The following FRMD4A variants were observed in gnomAD, a reference collection of about 807,000 sequenced individuals.
FRMD4A encodes FERM domain-containing protein 4A.
Under a neutral mutation model 129.1 loss-of-function variants are expected in FRMD4A, and 29 were observed. That is an observed-to-expected ratio of 0.22 (90% CI 0.17 to 0.31). The LOEUF is 0.31. Among genes scored for constraint, FRMD4A ranks in the 10% least tolerant of loss-of-function variants. The pLI is 1.00. For missense variants in FRMD4A, 1,272 were observed against 1,375.8 expected, an observed-to-expected ratio of 0.92 and a Z score of 1.19; for synonymous variants, 634 against 571.6, an observed-to-expected ratio of 1.11 and a Z score of -1.56.
At chr10:13,831,884 C>T (rs1375487962) in intron 3 of FRMD4A, among the ~76,000 whole-genome samples, 1 of 152,140 alleles carries the variant, frequency 6.6e-6, no homozygotes, top group Non-Finnish European at 1.5e-5. Context: ...GGAGACAGTG[C>T]TGGGTGGACT....
chr10:13,841,279 G>C (rs941436538), intron 3 of FRMD4A, among the ~76,000 whole-genome samples: 3 of 152,132 alleles, frequency 2.0e-5, no homozygotes, highest in African/African-American at 7.2e-5. Flanking sequence ...AATTTGACTG[G>C]CTTTTGTCCC....
intron 2 of FRMD4A, among the ~76,000 whole-genome samples, chr10:14,190,738 G>C (rs1470330251): frequency 1.3e-5 from 2 of 152,216 alleles, no homozygotes; most frequent in Non-Finnish European, 2.9e-5. Flanking sequence ...TACTCACAAG[G>C]AGACAGGAGT....
intron 2 of FRMD4A, among the ~76,000 whole-genome samples, chr10:13,937,815 C>T (rs1490175575): frequency 4.6e-5 from 7 of 152,224 alleles, no homozygotes; most frequent in African/African-American, 1.7e-4. Context: ...GTAGACAAAT[C>T]TCTTAATTGT....
At chr10:13,653,981 A>G (rs989143481) in intron 23 of FRMD4A, 3 of 246,058 alleles carry the variant, frequency 1.2e-5, no homozygotes, top group South Asian at 1.2e-4. Flanking sequence ...TTTTTCTTGC[A>G]CCCTGAGACA....
intron 12 of FRMD4A, among the ~76,000 whole-genome samples, chr10:13,725,382 T>G (rs1361229696): frequency 6.6e-6 from 1 of 152,192 alleles, no homozygotes; most frequent in African/African-American, 2.4e-5. Flanking sequence ...GTGTACCCCT[T>G]CCAGGAGGTG....
chr10:13,693,536 A>C, intron 15 of FRMD4A: 1 of 1,193,450 alleles, frequency 8.4e-7, no homozygotes, highest in South Asian at 1.6e-5. Context: ...CACAACACAC[A>C]AGTGGGCACA....
chr10:14,218,420 C>T (rs1223462633), intron 2 of FRMD4A, among the ~76,000 whole-genome samples: 1 of 152,208 alleles, frequency 6.6e-6, no homozygotes, highest in Non-Finnish European at 1.5e-5. Context: ...CACTAGCTTT[C>T]AGTCATAGTT....
chr10:13,699,711 A>C (rs754328444), intron 14 of FRMD4A, among the ~76,000 whole-genome samples: 7 of 151,998 alleles, frequency 4.6e-5, no homozygotes, highest in Non-Finnish European at 8.8e-5. Flanking sequence ...ACCATCCATC[A>C]CCCAACCACA....
intron 2 of FRMD4A, among the ~76,000 whole-genome samples, chr10:14,136,830 G>A (rs1378472836): frequency 1.3e-5 from 2 of 152,168 alleles, no homozygotes; most frequent in South Asian, 2.1e-4. Context: ...ACCTCCTGAG[G>A]TTGTATCACA....
At chr10:14,245,717 C>T (rs538693239) in intron 2 of FRMD4A, among the ~76,000 whole-genome samples, 1 of 152,294 alleles carries the variant, frequency 6.6e-6, no homozygotes, top group South Asian at 2.1e-4. Context: ...AGGGAGAAGA[C>T]AGCATCTACT....
chr10:14,046,606 G>A (rs569244611), intron 2 of FRMD4A, among the ~76,000 whole-genome samples: 1 of 152,214 alleles, frequency 6.6e-6, no homozygotes, highest in South Asian at 2.1e-4. Context: ...CTACTGTTTT[G>A]CTGGTGATCT....
rs370303992 is a variant in FRMD4A, at chr10:13,925,536, C to G, written c.46-66624G>C. Among the ~76,000 whole-genome samples, 568 of 139,028 alleles carry G rather than the reference C, an allele frequency of 4.1e-3. 8 individuals carry two copies. Among genetic ancestry groups the G allele is most frequent in the African/African-American group, 0.015 (544 of 37,398 alleles). 91.2% of individuals were successfully genotyped at this position (139,028 alleles called of 152,430 possible). ...CCATTTTCAGTGTAACAATATCGGG[C>G]CCAGTGAAAGTTTCTATTGTAGTGA... On this transcript the variant is annotated intron_variant, in intron 2 of 24. Coordinates refer to ENST00000357447, the MANE Select transcript of FRMD4A (RefSeq NM_018027.5).
intron 2 of FRMD4A, among the ~76,000 whole-genome samples, chr10:14,192,363 A>T (rs2131924451): frequency 6.6e-6 from 1 of 152,378 alleles, no homozygotes; most frequent in South Asian, 2.1e-4. Context: ...TAACTTGTTT[A>T]GAGTAACAGC....
intron 12 of FRMD4A, among the ~76,000 whole-genome samples, chr10:13,728,180 TTA>T (rs1292019361): frequency 6.6e-6 from 1 of 152,232 alleles, no homozygotes; most frequent in African/African-American, 2.4e-5. Flanking sequence ...TGGAAATGCC[TTA>T]TGTTTGTTTA....
At chr10:13,693,455 G>A (rs766280369) in intron 15 of FRMD4A, 178 of 1,069,036 alleles carry the variant, frequency 1.7e-4, no homozygotes, top group Non-Finnish European at 2.0e-4. Flanking sequence ...AGAGTATTCC[G>A]CATTTTTAAA....
intron 15 of FRMD4A, chr10:13,692,398 T>TCG (rs2085794143): frequency 6.6e-6 from 1 of 152,228 alleles, no homozygotes; most frequent in Non-Finnish European, 1.5e-5. Context: ...TCCACCTGCC[T>TCG]TGGCCTCCCA....
rs867359711 is a variant in FRMD4A at position 14,039,475 on chromosome 10, T to A, written c.46-180563A>T. On this transcript the variant is annotated intron_variant, in intron 2 of 24. Coordinates refer to ENST00000357447, the MANE Select transcript of FRMD4A (RefSeq NM_018027.5). Reference sequence around the variant, plus strand: ...CAATCAATCTATCTATCTATCTATCTATCTATCTATCTATCTATCTATCTA... The same window carrying A: ...CAATCAATCTATCTATCTATCTATCAATCTATCTATCTATCTATCTATCTA... Among the ~76,000 whole-genome samples the A allele has an allele frequency of 5.2e-4, 74 of 141,412 alleles. 1 individual carries two copies. The highest frequency in any genetic ancestry group is 3.0e-3 in the East Asian group (15 of 4,946). The allele number at this position is 141,412 out of a possible 152,430, so 92.8% of individuals were successfully genotyped here.
At chr10:13,945,719 G>A (rs1588470989) in intron 2 of FRMD4A, among the ~76,000 whole-genome samples, 1 of 152,128 alleles carries the variant, frequency 6.6e-6, no homozygotes, top group Admixed American at 6.5e-5. Flanking sequence ...ATTTAATAAA[G>A]CTCACTTGAT....
intron 2 of FRMD4A, among the ~76,000 whole-genome samples, chr10:14,269,673 G>A (rs554183342): frequency 1.3e-5 from 2 of 152,132 alleles, no homozygotes; most frequent in Non-Finnish European, 2.9e-5. Context: ...TGCATAATTA[G>A]GATACTCTCC....
Sources: gnomAD v4.1 joint callset for allele counts (sites outside exome capture counted in the v4.1 genomes callset) on GRCh38, gnomAD v4.1.1 for gene constraint, MANE v1.5 for transcripts, NCBI Gene and HGNC (gene_info 2026-07-23, HGNC 2026-07-21) for gene names.